Variants in FAT4 observed in about 807,000 individuals in gnomAD.
The protein encoded by FAT4 is protocadherin Fat 4.
In FAT4, 84 loss-of-function variants were observed where a neutral mutation model predicts 303.9. The ratio of observed to expected loss-of-function variants is 0.28; its 90% CI spans 0.23 to 0.33. The LOEUF (loss-of-function observed/expected upper bound fraction) is 0.33, where lower values mean the gene tolerates loss of function less well. Ranked by LOEUF, FAT4 falls within the 10% of genes least tolerant of loss-of-function variation. FAT4 has a pLI of 1.00. For synonymous variants in FAT4, 2,307 were observed against 2,298.8 expected (o/e 1.00, Z -0.10); for missense variants, 6,005 against 6,146.8 (o/e 0.98, Z 0.77).
At chr4:125,476,280 T>A in intron 13 of FAT4, 24 bp downstream of exon 13, 2 of 1,376,720 alleles carry the variant, frequency 1.5e-6, no homozygotes, top group Non-Finnish European at 2.0e-6. Flanking sequence ...TTAGTTTAAT[T>A]TTTATTATTA....
In FAT4 at chr4:125,486,543, C is replaced by T. The variant is rs183046574; in HGVS notation, c.12823-802C>T. On this transcript the variant is annotated intron_variant, in intron 16 of 17. Coordinates refer to ENST00000394329, the MANE Select transcript of FAT4 (RefSeq NM_001291303.3). ...CACCAGCTCTGTCTGGCAGTGGTAACAGGATTATGCTCCCTGAACCAAATG... is the reference window on the plus strand; with the variant it reads ...CACCAGCTCTGTCTGGCAGTGGTAATAGGATTATGCTCCCTGAACCAAATG... Among the ~76,000 whole-genome samples the T allele has an allele frequency of 1.0e-3, 157 of 152,244 alleles. 1 individual carries two copies. Among genetic ancestry groups the T allele is most frequent in the African/African-American group, 3.6e-3 (151 of 41,554 alleles).
At chr4:125,409,578 G>C (rs190074470) in intron 5 of FAT4, among the ~76,000 whole-genome samples, 4 of 152,036 alleles carry the variant, frequency 2.6e-5, no homozygotes, top group Non-Finnish European at 5.9e-5. Flanking sequence ...TTTTAACTAG[G>C]TTTCATTTCA....
rs13102843 is a variant in FAT4 at position 125,387,296 on chromosome 4, G to A, written c.5176-11488G>A. 5.9e-5 allele frequency among the ~76,000 whole-genome samples: 9 copies of A among 152,324 alleles called. No homozygotes were observed. The East Asian group carries it at 7.7e-4, about 13-fold the overall frequency. ...CAAAGGTGAAGACTACTATGCAAAT[G>A]TGAAATGAGGAAGAGTGATTATTTT... On this transcript the variant is annotated intron_variant, in intron 2 of 17. Transcript: ENST00000394329.
chr4:125,436,220 G>T lies in FAT4; in HGVS notation c.7199+1795G>T, dbSNP rs1725447648. Among the ~76,000 whole-genome samples, 3 of 151,896 alleles carry T rather than the reference G, an allele frequency of 2.0e-5. No individual in the cohort carries two copies. In the South Asian group the frequency reaches 6.3e-4, roughly 32 times the overall value. Reference sequence around the variant, plus strand: ...AAAAAAAAACAAAGAAATTGGACGTGAGATCAAATGAAAGAGAGAAATCAG... The same window carrying T: ...AAAAAAAAACAAAGAAATTGGACGTTAGATCAAATGAAAGAGAGAAATCAG... On this transcript the variant is annotated intron_variant, in intron 8 of 17. Transcript: ENST00000394329.
At chr4:125,433,210 CAAAT>C (rs1356454420) in intron 7 of FAT4, among the ~76,000 whole-genome samples, 1 of 152,018 alleles carries the variant, frequency 6.6e-6, no homozygotes, top group African/African-American at 2.4e-5. Flanking sequence ...AAACATTTTA[CAAAT>C]AAATGAATGA....
chr4:125,449,107 T>A lies in FAT4; in HGVS notation c.8097T>A (p.Ser2699Arg). The A allele has an allele frequency of 1.2e-6, 2 of 1,614,000 alleles. No homozygotes were observed. Among genetic ancestry groups the A allele is most frequent in the Non-Finnish European group, 1.7e-6 (2 of 1,179,906 alleles). The change falls in exon 10 of 18, where the codon AGT (serine) becomes AGA (arginine). Residue 2699 changes from serine (S) to arginine (R), a missense_variant. Coordinates refer to ENST00000394329, the MANE Select transcript of FAT4 (RefSeq NM_001291303.3). Reference protein sequence around the residue: ...ILTVSAMDKDSGPNGQLDYEI... With the variant: ...ILTVSAMDKDRGPNGQLDYEI... ...CTGTTTCGGCAATGGACAAGGACAG[T>A]GGACCCAATGGACAGTTAGATTATG...
chr4:125,444,577 G>T (rs747842934), intron 8 of FAT4, among the ~76,000 whole-genome samples: 2 of 152,022 alleles, frequency 1.3e-5, no homozygotes, highest in Non-Finnish European at 2.9e-5. Context: ...AGTGAAACTG[G>T]ACTAAAGGCC....
chr4:125,326,585 A>G (rs1731166140), intron 2 of FAT4, among the ~76,000 whole-genome samples: 1 of 152,204 alleles, frequency 6.6e-6, no homozygotes, highest in South Asian at 2.1e-4. Flanking sequence ...AACCATATCC[A>G]GACTTGAGTA....
intron 3 of FAT4, among the ~76,000 whole-genome samples, chr4:125,405,620 C>T (rs141479608): frequency 0.011 from 1,654 of 151,966 alleles, 13 homozygotes; most frequent in Non-Finnish European, 0.019. Flanking sequence ...ATGCCATTCT[C>T]CTGCATCAGC....
At chr4:125,441,918 A>G (rs9991326) in intron 8 of FAT4, among the ~76,000 whole-genome samples, 151,264 of 152,288 alleles carry the variant, frequency 0.99, 75,129 homozygotes, top group Middle Eastern at 1. Context: ...TTGGCAAACT[A>G]CTACCTGCAG....
chr4:125,318,679 A>G lies in FAT4; in HGVS notation c.2268A>G (p.Lys756=). 6.2e-7 allele frequency: 1 copy of G among 1,614,112 alleles called. No homozygotes were observed. Residue 756 remains lysine, a synonymous_variant, in exon 2 of 18, where the codon AAA becomes AAG. Transcript: ENST00000394329. Reference sequence around the variant, plus strand: ...GAATGGCCCTAGACAGAGAAGAAAAAACAGCTTATCAGTTGCAAATAGTAG... The same window carrying G: ...GAATGGCCCTAGACAGAGAAGAAAAGACAGCTTATCAGTTGCAAATAGTAG... ...STRMALDREE[K]TAYQLQIVAT... is the part of the protein sequence containing the mutation.
intron 2 of FAT4, among the ~76,000 whole-genome samples, chr4:125,378,588 A>T (rs1004545707): frequency 2.0e-5 from 3 of 152,136 alleles, no homozygotes. Flanking sequence ...ATGGACAATT[A>T]TTACTTGTAC....
At chr4:125,380,117 T>A (rs781024814) in intron 2 of FAT4, among the ~76,000 whole-genome samples, 1 of 151,862 alleles carries the variant, frequency 6.6e-6, no homozygotes, top group Non-Finnish European at 1.5e-5. Context: ...GGTCTCGAAC[T>A]CCCAACATCA....
chr4:125,421,976 A>G (rs1724917607), intron 7 of FAT4, among the ~76,000 whole-genome samples: 1 of 152,210 alleles, frequency 6.6e-6, no homozygotes, highest in Non-Finnish European at 1.5e-5. Flanking sequence ...ATTTATAAAT[A>G]TGCAATTTAA....
intron 16 of FAT4, among the ~76,000 whole-genome samples, chr4:125,485,886 G>T (rs1560636169): frequency 6.6e-6 from 1 of 152,078 alleles, no homozygotes; most frequent in Non-Finnish European, 1.5e-5. Context: ...AGCTCCTATG[G>T]TTCATCATTG....
chr4:125,320,341 C>T lies in FAT4; in HGVS notation c.3930C>T (p.Asp1310=), dbSNP rs755765418. The T allele has an allele frequency of 6.2e-7, 1 of 1,613,708 alleles. No homozygotes were observed. Among genetic ancestry groups the T allele is most frequent in the Non-Finnish European group, 8.5e-7 (1 of 1,179,690 alleles). The change falls in exon 2 of 18, where the codon GAC becomes GAT. Residue 1310 remains aspartate, a synonymous_variant. Coordinates refer to ENST00000394329, the MANE Select transcript of FAT4 (RefSeq NM_001291303.3). Reference sequence around the variant, plus strand: ...ATATTGATATTTTAGATGAAAATGACAATACCCCTTCTTTCCCTAAATCAA... The same window carrying T: ...ATATTGATATTTTAGATGAAAATGATAATACCCCTTCTTTCCCTAAATCAA... ...TLNIDILDEN[D]NTPSFPKSTL... is the part of the protein sequence containing the mutation.
intron 10 of FAT4, among the ~76,000 whole-genome samples, chr4:125,460,228 T>C (rs1354416359): frequency 6.6e-6 from 1 of 152,070 alleles, no homozygotes; most frequent in Admixed American, 6.6e-5. Flanking sequence ...GACTATTTTT[T>C]CCAAACTCAA....
chr4:125,395,766 A>T (rs1734145566), intron 2 of FAT4, among the ~76,000 whole-genome samples: 1 of 152,188 alleles, frequency 6.6e-6, no homozygotes, highest in South Asian at 2.1e-4. Flanking sequence ...CTAGATCTGT[A>T]TATACAACTG....
At chr4:125,364,162 C>A (rs1732775004) in intron 2 of FAT4, among the ~76,000 whole-genome samples, 1 of 151,894 alleles carries the variant, frequency 6.6e-6, no homozygotes, top group African/African-American at 2.4e-5. Flanking sequence ...TCTCTCCACC[C>A]CATGTGTGCC....
Sources: gnomAD v4.1 joint callset for allele counts (sites outside exome capture counted in the v4.1 genomes callset) on GRCh38, gnomAD v4.1.1 for gene constraint, MANE v1.5 for transcripts, NCBI Gene and HGNC (gene_info 2026-07-23, HGNC 2026-07-21) for gene names.